Variants in PKIB observed in about 807,000 individuals in gnomAD.
PKIB encodes the protein cAMP-dependent protein kinase inhibitor beta.
PKIB carries 2 observed loss-of-function variants against 4.5 expected under a neutral mutation model. The ratio of observed to expected loss-of-function variants is 0.44; its 90% CI spans 0.18 to 1.39. PKIB has a LOEUF of 1.39. Ranked by LOEUF, PKIB falls within the 40% of genes most tolerant of loss-of-function variation. The probability of loss-of-function intolerance (pLI) is 0.27; values close to 1 mark genes in which losing one functional copy is unlikely to be tolerated. For missense variants in PKIB, 94 were observed against 92.6 expected (o/e 1.02, Z -0.06); for synonymous variants, 38 against 36.0 (o/e 1.06, Z -0.20).
chr6:122,602,733 G>A (rs942085837), intron 3 of PKIB, among the ~76,000 whole-genome samples: 1 of 151,882 alleles, frequency 6.6e-6, no homozygotes, highest in Non-Finnish European at 1.5e-5. Context: ...TGGCCAATGT[G>A]GCAAAATGCC....
intron 1 of PKIB, among the ~76,000 whole-genome samples, chr6:122,615,226 A>G (rs1774933811): frequency 1.3e-5 from 2 of 152,182 alleles, no homozygotes; most frequent in Admixed American, 6.5e-5. Context: ...ATGTCTTTCT[A>G]ACATGCCATG....
chr6:122,506,075 T>A (rs1776386942), intron 2 of PKIB, among the ~76,000 whole-genome samples: 1 of 152,064 alleles, frequency 6.6e-6, no homozygotes, highest in African/African-American at 2.4e-5. Context: ...GGTAAACACT[T>A]TTTTTTAACA....
intron 2 of PKIB, among the ~76,000 whole-genome samples, chr6:122,653,912 C>A (rs1295651504): frequency 1.3e-5 from 2 of 152,088 alleles, no homozygotes; most frequent in African/African-American, 4.8e-5. Context: ...TAGCGGAGAT[C>A]GCGCCATTAC....
intron 1 of PKIB, among the ~76,000 whole-genome samples, chr6:122,474,876 C>T (rs1252486601): frequency 6.6e-6 from 1 of 152,082 alleles, no homozygotes; most frequent in Non-Finnish European, 1.5e-5. Context: ...AGCAGGATTA[C>T]GAAGCTTATC....
At chr6:122,624,184 C>T (rs1775345459) in intron 1 of PKIB, among the ~76,000 whole-genome samples, 1 of 152,086 alleles carries the variant, frequency 6.6e-6, no homozygotes, top group South Asian at 2.1e-4. Flanking sequence ...TTCAGGAGGG[C>T]AACTTAATCA....
intron 3 of PKIB, among the ~76,000 whole-genome samples, chr6:122,588,352 T>C (rs1258945326): frequency 2.0e-5 from 3 of 152,270 alleles, no homozygotes; most frequent in East Asian, 3.9e-4. Context: ...GTCTCTGTTC[T>C]GTTCCATTGG....
chr6:122,607,310 C>CA (rs1009359273), upstream of PKIB, among the ~76,000 whole-genome samples: 15 of 150,894 alleles, frequency 9.9e-5, no homozygotes, highest in Non-Finnish European at 1.9e-4. Flanking sequence ...CCCGTCTCTA[C>CA]AAAAAAACAA....
chr6:122,599,859 A>G (rs527804574), intron 3 of PKIB, among the ~76,000 whole-genome samples: 3 of 152,208 alleles, frequency 2.0e-5, no homozygotes, highest in African/African-American at 7.2e-5. Context: ...CCAACTCCAG[A>G]AACCCCAAAA....
chr6:122,613,830 G>C (rs1033266982), intron 1 of PKIB, among the ~76,000 whole-genome samples: 10 of 151,846 alleles, frequency 6.6e-5, no homozygotes, highest in Admixed American at 5.9e-4. Flanking sequence ...GGGTGTGGTG[G>C]TGCACACCTG....
chr6:122,557,317 C>A (rs1258813388), intron 2 of PKIB, among the ~76,000 whole-genome samples: 1 of 152,204 alleles, frequency 6.6e-6, no homozygotes. Context: ...TTGCTTCTTT[C>A]AACTCAACCG....
At chr6:122,505,340 G>GTCCCATATTT (rs1442196681) in intron 2 of PKIB, among the ~76,000 whole-genome samples, 2 of 152,016 alleles carry the variant, frequency 1.3e-5, no homozygotes, top group South Asian at 2.1e-4. Flanking sequence ...ACAACTTATT[G>GTCCCATATTT]TCCCATATTT....
chr6:122,523,754 G>A (rs984847789), intron 2 of PKIB, among the ~76,000 whole-genome samples: 10 of 151,660 alleles, frequency 6.6e-5, no homozygotes, highest in African/African-American at 2.4e-4. Context: ...CTGCACTCCA[G>A]CATGGGCAAC....
intron 2 of PKIB, among the ~76,000 whole-genome samples, chr6:122,564,799 C>T (rs1221806103): frequency 6.6e-6 from 1 of 152,112 alleles, no homozygotes; most frequent in Non-Finnish European, 1.5e-5. Flanking sequence ...TAGGGACCTA[C>T]TTCCCATTGG....
chr6:122,560,574 C>T (rs889530331), intron 2 of PKIB, among the ~76,000 whole-genome samples: 1 of 152,024 alleles, frequency 6.6e-6, no homozygotes, highest in Non-Finnish European at 1.5e-5. Flanking sequence ...GGGAGGGTTC[C>T]TTCTTTCTCT....
At position 122,640,458 on chromosome 6, in the gene PKIB, G is replaced by C. The variant is rs9490506; in HGVS notation, c.-76+7091G>C. Among the ~76,000 whole-genome samples the C allele has an allele frequency of 5.2e-3, 785 of 152,216 alleles. 11 individuals are homozygous for C. The highest frequency in any genetic ancestry group is 0.018 in the African/African-American group (745 of 41,522). On this transcript the variant is annotated intron_variant, in intron 2 of 4. Coordinates refer to ENST00000368452, the MANE Select transcript of PKIB (RefSeq NM_181795.3). ...ATTTCTACTTTGTAGTATTCTAAGA[G>C]ACCTGTACTGTCAACTTCAGTTTGT...
intron 2 of PKIB, among the ~76,000 whole-genome samples, chr6:122,575,771 T>C (rs1196898699): frequency 6.6e-6 from 1 of 152,124 alleles, no homozygotes; most frequent in African/African-American, 2.4e-5. Flanking sequence ...TCAGAGGGAA[T>C]AGTTGTGGGG....
At chr6:122,520,665 A>ACTCCC (rs1776909929) in intron 2 of PKIB, among the ~76,000 whole-genome samples, 1 of 107,988 alleles carries the variant, frequency 9.3e-6, no homozygotes. Flanking sequence ...TTATGTTCCC[A>ACTCCC]CCCCCCCCCC....
chr6:122,539,148 A>C (rs1365908193), intron 2 of PKIB, among the ~76,000 whole-genome samples: 1 of 151,888 alleles, frequency 6.6e-6, no homozygotes, highest in Non-Finnish European at 1.5e-5. Flanking sequence ...TTGACTTCCT[A>C]TTTTCCTAAC....
At chr6:122,487,888 C>G (rs1475302285) in intron 2 of PKIB, among the ~76,000 whole-genome samples, 2 of 152,160 alleles carry the variant, frequency 1.3e-5, no homozygotes, top group East Asian at 3.9e-4. Context: ...TGTATTAATA[C>G]TGCATCAGTA....
Sources: allele counts gnomAD v4.1 joint callset (sites outside exome capture counted in the v4.1 genomes callset), GRCh38; gene constraint gnomAD v4.1.1; transcripts MANE v1.5; gene names NCBI Gene and HGNC (gene_info 2026-07-23, HGNC 2026-07-21).